The following KAZN variants were observed in gnomAD, a reference collection of about 807,000 sequenced individuals.
KAZN encodes the protein kazrin, periplakin interacting protein.
Under a neutral mutation model 87.4 loss-of-function variants are expected in KAZN, and 40 were observed. The ratio of observed to expected loss-of-function variants is 0.46; its 90% confidence interval spans 0.36 to 0.60. The LOEUF is 0.60. KAZN is among the 20% of genes least tolerant of loss of function. The pLI is 0.00. For synonymous variants in KAZN, 466 were observed against 458.3 expected (o/e 1.02, Z -0.22); for missense variants, 898 against 1,073.9 (o/e 0.84, Z 2.29).
intron 1 of KAZN, among the ~76,000 whole-genome samples, chr1:14,791,136 C>T (rs1316196299): frequency 6.6e-6 from 1 of 152,200 alleles, no homozygotes; most frequent in Non-Finnish European, 1.5e-5. Context: ...CCTTGAGATG[C>T]CTCTAAATCA....
chr1:15,064,969 G>A (rs964511764), intron 7 of KAZN, among the ~76,000 whole-genome samples: 3 of 151,504 alleles, frequency 2.0e-5, no homozygotes, highest in African/African-American at 7.3e-5. Context: ...GACCACAGCT[G>A]CTCACTGTAC....
chr1:14,220,610 T>C (rs1647074833), intron 2 of KAZN, among the ~76,000 whole-genome samples: 2 of 152,178 alleles, frequency 1.3e-5, no homozygotes, highest in African/African-American at 4.8e-5. Context: ...CTGCATCTGA[T>C]TTGGTGATAG....
chr1:14,958,712 A>C (rs1383105013), intron 1 of KAZN, among the ~76,000 whole-genome samples: 1 of 152,152 alleles, frequency 6.6e-6, no homozygotes, highest in Non-Finnish European at 1.5e-5. Context: ...CAGGGAATAC[A>C]CATCCCCTTT....
intron 1 of KAZN, among the ~76,000 whole-genome samples, chr1:13,895,848 C>T (rs1570205535): frequency 6.6e-6 from 1 of 152,226 alleles, no homozygotes; most frequent in African/African-American, 2.4e-5. Context: ...GGCTCATACT[C>T]CTGGAGATGT....
chr1:14,316,730 T>A (rs1022954438), intron 2 of KAZN, among the ~76,000 whole-genome samples: 1 of 152,022 alleles, frequency 6.6e-6, no homozygotes, highest in Non-Finnish European at 1.5e-5. Flanking sequence ...TGTTATGTTT[T>A]CATTTTTATT....
intron 2 of KAZN, among the ~76,000 whole-genome samples, chr1:14,281,325 C>G (rs1217877253): frequency 6.6e-6 from 1 of 152,202 alleles, no homozygotes; most frequent in African/African-American, 2.4e-5. Context: ...TTGTTATCAG[C>G]AGCAATTTCA....
chr1:14,185,281 A>G (rs1489853451), intron 2 of KAZN, among the ~76,000 whole-genome samples: 6 of 152,204 alleles, frequency 3.9e-5, no homozygotes, highest in Non-Finnish European at 8.8e-5. Flanking sequence ...CAGGGAAAAC[A>G]GGCAAAGCTT....
intron 1 of KAZN, among the ~76,000 whole-genome samples, chr1:14,795,378 G>A (rs752281498): frequency 6.6e-6 from 1 of 152,034 alleles, no homozygotes; most frequent in East Asian, 1.9e-4. Context: ...ATGAGCATAC[G>A]CCTAGATGTA....
chr1:14,331,037 C>T (rs1471920951), intron 2 of KAZN, among the ~76,000 whole-genome samples: 1 of 152,182 alleles, frequency 6.6e-6, no homozygotes, highest in African/African-American at 2.4e-5. Context: ...ATAAAGACTA[C>T]AATTCCCAGA....
At chr1:14,058,214 T>C (rs562398431) in intron 1 of KAZN, among the ~76,000 whole-genome samples, 186 of 152,276 alleles carry the variant, frequency 1.2e-3, no homozygotes, top group Non-Finnish European at 1.9e-3. Flanking sequence ...CCCATGGCTC[T>C]AGGGACTCCC....
At chr1:14,568,194 A>G (rs2148539837) in intron 2 of KAZN, among the ~76,000 whole-genome samples, 1 of 152,284 alleles carries the variant, frequency 6.6e-6, no homozygotes, top group African/African-American at 2.4e-5. Context: ...GGCCTTGAGG[A>G]AGCACAAAGC....
In KAZN at chr1:14,735,062, T is replaced by A. The variant is rs1643856818; in HGVS notation, c.226+135839T>A. Among the ~76,000 whole-genome samples, 1 of 151,782 alleles carries A rather than the reference T, an allele frequency of 6.6e-6. No individual in the cohort carries two copies. The highest frequency in any genetic ancestry group is 1.9e-4 in the East Asian group (1 of 5,180). On this transcript the variant is annotated intron_variant, in intron 1 of 14. Coordinates refer to ENST00000376030, the MANE Select transcript of KAZN (RefSeq NM_201628.3). The surrounding 1 kb of genome is among the most constrained non-coding windows in gnomAD (Gnocchi z 4.3). The stretch of plus-strand genomic sequence containing the variant: ...AGGATGCTAAATGGTCATGCTGGTT[T>A]TTTTTGTTTTGTTTTGAGACGGAGT...
Position 15,021,374 on chromosome 1 carries a change from G to A in KAZN, c.419-13375G>A, listed in dbSNP as rs559217762. Among the ~76,000 whole-genome samples the A allele has an allele frequency of 2.4e-4, 36 of 152,298 alleles. No homozygotes were observed. In the South Asian group the frequency reaches 3.3e-3, roughly 14 times the overall value. ...CCCCTCCCGCTTCAACCTAGGGAAT[G>A]TCCGTGTTCCGGGCCCATTCCCTGC... On this transcript the variant is annotated intron_variant, in intron 2 of 14. Transcript: ENST00000376030. The surrounding 1 kb of genome is among the most constrained non-coding windows in gnomAD (Gnocchi z 4.2).
At chr1:14,950,016 G>C (rs1572901108) in intron 1 of KAZN, among the ~76,000 whole-genome samples, 1 of 151,948 alleles carries the variant, frequency 6.6e-6, no homozygotes, top group South Asian at 2.1e-4. Flanking sequence ...CCACCTAACG[G>C]AAAAAACAGT....
At chr1:14,435,080 T>C (rs1666302819) in intron 2 of KAZN, among the ~76,000 whole-genome samples, 1 of 152,018 alleles carries the variant, frequency 6.6e-6, no homozygotes, top group African/African-American at 2.4e-5. Context: ...TTAAACCCAA[T>C]TCTATTCTCC....
At chr1:14,100,938 C>T (rs1337727636) in intron 1 of KAZN, among the ~76,000 whole-genome samples, 1 of 152,186 alleles carries the variant, frequency 6.6e-6, no homozygotes, top group Non-Finnish European at 1.5e-5. Context: ...ATGGGAGTTT[C>T]CCTACACAAG....
At chr1:14,391,849 G>A (rs1662463497) in intron 2 of KAZN, among the ~76,000 whole-genome samples, 2 of 152,224 alleles carry the variant, frequency 1.3e-5, no homozygotes, top group Non-Finnish European at 1.5e-5. Context: ...TGCTTCTAGA[G>A]GTGAAAACCT....
At chr1:15,008,499 C>T (rs1327807302) in intron 2 of KAZN, among the ~76,000 whole-genome samples, 4 of 152,218 alleles carry the variant, frequency 2.6e-5, no homozygotes, top group Admixed American at 1.3e-4. Flanking sequence ...ATGATGAGGA[C>T]CGGGAATGCC....
At chr1:14,382,418 C>T (rs1483631385) in intron 2 of KAZN, among the ~76,000 whole-genome samples, 2 of 146,000 alleles carry the variant, frequency 1.4e-5, no homozygotes, top group Non-Finnish European at 3.0e-5. Context: ...GCTGCACCCA[C>T]TAACTCGTCA....
Sources: allele counts gnomAD v4.1 joint callset (sites outside exome capture counted in the v4.1 genomes callset), GRCh38; gene constraint gnomAD v4.1.1; non-coding constraint Gnocchi (gnomAD v3.1); transcripts MANE v1.5; gene names NCBI Gene and HGNC (gene_info 2026-07-23, HGNC 2026-07-21).